TDRD12: variants seen among roughly 807,000 people sequenced by gnomAD.
The protein encoded by TDRD12 is tudor domain containing 12.
Under a neutral mutation model 133.5 loss-of-function variants are expected in TDRD12, and 158 were observed. The ratio of observed to expected loss-of-function variants is 1.18; its 90% CI spans 1.04 to 1.35. The LOEUF (loss-of-function observed/expected upper bound fraction) is 1.35, where lower values mean the gene tolerates loss of function less well. TDRD12 is among the 40% of genes most tolerant of loss of function. The pLI is 0.00. For missense variants in TDRD12, 1,443 were observed against 1,321.3 expected (o/e 1.09, Z -1.43); for synonymous variants, 460 against 477.9 (o/e 0.96, Z 0.49).
chr19:32,727,333 G>A (rs1968893110), intron 1 of TDRD12, among the ~76,000 whole-genome samples: 1 of 152,102 alleles, frequency 6.6e-6, no homozygotes, highest in Non-Finnish European at 1.5e-5. Flanking sequence ...TTTTTGTATT[G>A]TTTTAGGAGT....
intron 1 of TDRD12, among the ~76,000 whole-genome samples, chr19:32,730,395 C>A (rs576549404): frequency 6.6e-6 from 1 of 152,198 alleles, no homozygotes; most frequent in African/African-American, 2.4e-5. Context: ...AGGGAAGTTT[C>A]CTTCTTTCAA....
intron 3 of TDRD12, 86 bp from the exon 4 acceptor site, chr19:32,742,695 G>A (rs1367981682): frequency 7.7e-7 from 1 of 1,296,584 alleles, no homozygotes; most frequent in Non-Finnish European, 1.1e-6. Flanking sequence ...TTTACATTAA[G>A]TGTATTAATA....
chr19:32,800,243 C>T, exon 17 of TDRD12: 4 of 1,534,964 alleles, frequency 2.6e-6, no homozygotes, highest in Non-Finnish European at 3.5e-6. Context: ...CAGATTGTTG[C>T]AGTTGGAGTT....
At chr19:32,827,240 CAGTG>C in exon 10 of TDRD12, 1 of 1,231,952 alleles carries the variant, frequency 8.1e-7, no homozygotes, top group East Asian at 3.2e-5. Flanking sequence ...AGGATGACGA[CAGTG>C]AGAGTGAAAG....
At chr19:32,742,040 C>G (rs144043487) in intron 3 of TDRD12, among the ~76,000 whole-genome samples, 84 of 152,132 alleles carry the variant, frequency 5.5e-4, no homozygotes, top group Admixed American at 5.2e-4. Context: ...TTTACAGAAA[C>G]TTTTAAGGTA....
At chr19:32,742,212 AGT>A (rs1037923471) in intron 3 of TDRD12, among the ~76,000 whole-genome samples, 17 of 150,556 alleles carry the variant, frequency 1.1e-4, no homozygotes, top group Non-Finnish European at 1.9e-4. Context: ...GCTGGAGTGC[AGT>A]GGCACAATTT....
intron 11 of TDRD12, among the ~76,000 whole-genome samples, chr19:32,784,650 C>T (rs1255882216): frequency 2.0e-5 from 3 of 151,926 alleles, no homozygotes; most frequent in East Asian, 1.9e-4. Flanking sequence ...GCTATTACAG[C>T]CTCAATTTCA....
intron 8 of TDRD12, among the ~76,000 whole-genome samples, chr19:32,759,841 G>A (rs769789215): frequency 2.6e-5 from 4 of 152,188 alleles, no homozygotes; most frequent in South Asian, 2.1e-4. Context: ...GTGTCAGGCC[G>A]CTTCCTTCTC....
intron 5 of TDRD12, 63 bp from the exon 6 acceptor site, chr19:32,749,721 T>C (rs1969766291): frequency 7.7e-7 from 1 of 1,299,618 alleles, no homozygotes; most frequent in Non-Finnish European, 1.1e-6. Context: ...TGGGAAATCG[T>C]CATGATTGTT....
At chr19:32,812,847 C>CG (rs1967053507) in intron 24 of TDRD12, among the ~76,000 whole-genome samples, 1 of 152,284 alleles carries the variant, frequency 6.6e-6, no homozygotes, top group East Asian at 1.9e-4. Context: ...GTTGCTTAGA[C>CG]AGGTCCTGCC....
chr19:32,761,281 AATTTTTT>A (rs1970142649), intron 8 of TDRD12, among the ~76,000 whole-genome samples: 2 of 152,018 alleles, frequency 1.3e-5, no homozygotes, highest in Admixed American at 1.3e-4. Flanking sequence ...AAGCCCAGCT[AATTTTTT>A]ATTTTTTTAT....
chr19:32,780,698 G>A (rs1970737612), intron 11 of TDRD12, among the ~76,000 whole-genome samples: 1 of 152,104 alleles, frequency 6.6e-6, no homozygotes, highest in Admixed American at 6.5e-5. Context: ...GAGTGCTGCG[G>A]AGCTCTGCAG....
intron 3 of TDRD12, among the ~76,000 whole-genome samples, chr19:32,740,119 A>G (rs111623879): frequency 0.082 from 3,763 of 46,166 alleles, 75 homozygotes; most frequent in East Asian, 0.15. Context: ...TCTCCTGGGT[A>G]CTCTCTGCAT....
At chr19:32,784,886 T>TAATA (rs1970863357) in intron 11 of TDRD12, among the ~76,000 whole-genome samples, 1 of 152,194 alleles carries the variant, frequency 6.6e-6, no homozygotes, top group South Asian at 2.1e-4. Flanking sequence ...TCTTCTTTAT[T>TAATA]AGTCTTGCTA....
Position 32,827,372 on chromosome 19 carries a change from C to CTTTTCTTTTCTTTT in TDRD12, c.*210_*211insCTTTTCTTTTTTTT, listed in dbSNP as rs61327156. The CTTTTCTTTTCTTTT allele has an allele frequency of 2.7e-3, 330 of 122,378 alleles. 18 individuals are homozygous for CTTTTCTTTTCTTTT. Among genetic ancestry groups the CTTTTCTTTTCTTTT allele is most frequent in the African/African-American group, 0.013 (193 of 14,422 alleles). 7.6% of individuals were successfully genotyped at this position (122,378 alleles called of 1,614,324 possible). A position where few individuals can be genotyped will look rare whatever the true frequency, so the allele number is the denominator to read the frequency against. Reference sequence around the variant, plus strand: ...TAACCAAATCTTTTTCTTTTCTTTTCTTTTTTTTTTTTTTTTTTTTTTTTT... The same window carrying CTTTTCTTTTCTTTT: ...TAACCAAATCTTTTTCTTTTCTTTTCTTTTCTTTTCTTTTTTTTTTTTTTTTTTTTTTTTTTTTT... On this transcript the variant is annotated 3_prime_UTR_variant, in exon 10 of 10. Transcript: ENST00000637289.
intron 24 of TDRD12, among the ~76,000 whole-genome samples, chr19:32,812,342 G>A (rs1001133142): frequency 6.6e-6 from 1 of 152,086 alleles, no homozygotes; most frequent in Non-Finnish European, 1.5e-5. Context: ...GTTGATAAGC[G>A]CTCCAGTTCT....
chr19:32,764,627 G>A (rs1165700061), intron 8 of TDRD12, among the ~76,000 whole-genome samples: 1 of 152,182 alleles, frequency 6.6e-6, no homozygotes, highest in Non-Finnish European at 1.5e-5. Flanking sequence ...CATACTGGTT[G>A]ATAGCATTGT....
chr19:32,822,565 G>A (rs1967437583), downstream of TDRD12, among the ~76,000 whole-genome samples: 1 of 152,114 alleles, frequency 6.6e-6, no homozygotes, highest in Non-Finnish European at 1.5e-5. Context: ...GGCTAACACG[G>A]TGAAACCCCG....
At chr19:32,790,028 G>A (rs556690254) in intron 11 of TDRD12, among the ~76,000 whole-genome samples, 8 of 151,886 alleles carry the variant, frequency 5.3e-5, no homozygotes, top group East Asian at 1.9e-4. Flanking sequence ...AAGAAAAAAC[G>A]CGTTTACAGG....
Sources: gnomAD v4.1 joint callset for allele counts (sites outside exome capture counted in the v4.1 genomes callset) on GRCh38, gnomAD v4.1.1 for gene constraint, MANE v1.5 for transcripts, NCBI Gene and HGNC (gene_info 2026-07-23, HGNC 2026-07-21) for gene names.